Variants in OLFML2B observed in about 807,000 individuals in gnomAD.
OLFML2B encodes olfactomedin like 2B, also known as olfactomedin-like protein 2B.
Under a neutral mutation model 74.9 loss-of-function variants are expected in OLFML2B, and 57 were observed. The ratio of observed to expected loss-of-function variants is 0.76; its 90% CI spans 0.61 to 0.95. The LOEUF (loss-of-function observed/expected upper bound fraction) is 0.95, where lower values mean the gene tolerates loss of function less well. Among genes scored for constraint, OLFML2B ranks in the 40% least tolerant of loss-of-function variants. OLFML2B has a pLI of 0.00. For synonymous variants in OLFML2B, 388 were observed against 405.8 expected (o/e 0.96, Z 0.53); for missense variants, 986 against 970.6 (o/e 1.02, Z -0.21).
chr1:161,985,475 G>A (rs1351932622), intron 6 of OLFML2B, among the ~76,000 whole-genome samples: 3 of 152,196 alleles, frequency 2.0e-5, no homozygotes, highest in Admixed American at 2.0e-4. Flanking sequence ...TTTCCTCATT[G>A]CATTCTCAGT....
chr1:162,000,039 C>T, intron 5 of OLFML2B, 74 bp downstream of exon 5: 1 of 1,173,392 alleles, frequency 8.5e-7, no homozygotes, highest in Non-Finnish European at 1.2e-6. Context: ...TCCCAGGAAT[C>T]CAGCCCACTA....
chr1:162,007,833 T>C (rs1406067344), intron 3 of OLFML2B, among the ~76,000 whole-genome samples: 1 of 152,124 alleles, frequency 6.6e-6, no homozygotes, highest in Non-Finnish European at 1.5e-5. Flanking sequence ...TCCCGAACCA[T>C]CAGCCATGCC....
intron 6 of OLFML2B, among the ~76,000 whole-genome samples, chr1:161,987,475 A>AT (rs1304675182): frequency 6.6e-6 from 1 of 152,208 alleles, no homozygotes; most frequent in Non-Finnish European, 1.5e-5. Context: ...AAGCAATGTG[A>AT]TGAAAAAAGC....
intron 2 of OLFML2B, among the ~76,000 whole-genome samples, chr1:162,019,009 T>A (rs1267801094): frequency 6.6e-6 from 1 of 152,212 alleles, no homozygotes; most frequent in Non-Finnish European, 1.5e-5. Context: ...GTTCAGAAAG[T>A]TGTTCCATGG....
At chr1:162,017,592 C>T in intron 2 of OLFML2B, 85 bp from the exon 3 acceptor site, 2 of 957,938 alleles carry the variant, frequency 2.1e-6, no homozygotes, top group Non-Finnish European at 1.6e-6. Flanking sequence ...ATACTGGGGG[C>T]TCGACAGGAA....
Position 162,006,475 on chromosome 1 carries a change from T to TAAA in OLFML2B, c.547-3_547-2insTTT. On this transcript the variant is annotated splice_region_variant and splice_polypyrimidine_tract_variant and intron_variant, in intron 3 of 7. Transcript: ENST00000294794. ...CTTGGTGAGGTTTTTAGACACTTCCTGAGAAGGAAAAAAAAAAGATGATCC... is the reference window on the plus strand; with the variant it reads ...CTTGGTGAGGTTTTTAGACACTTCCTAAAGAGAAGGAAAAAAAAAAGATGATCC... 6.9e-7 allele frequency: 1 copy of TAAA among 1,448,242 alleles called. No individual in the cohort carries two copies. The highest frequency in any genetic ancestry group is 1.8e-4 in the Middle Eastern group (1 of 5,568). 89.7% of individuals were successfully genotyped at this position (1,448,242 alleles called of 1,614,324 possible).
At chr1:162,017,547 C>T in intron 2 of OLFML2B, 40 bp from the exon 3 acceptor site, 7 of 1,453,872 alleles carry the variant, frequency 4.8e-6, no homozygotes, top group Non-Finnish European at 4.7e-6. Flanking sequence ...GGCTGGGGCA[C>T]ACAGACACAG....
chr1:161,989,553 A>C (rs1689677970), intron 6 of OLFML2B, among the ~76,000 whole-genome samples: 1 of 152,178 alleles, frequency 6.6e-6, no homozygotes, highest in Non-Finnish European at 1.5e-5. Context: ...TATTCACCGT[A>C]AACCCAGGGC....
At chr1:161,985,138 A>T in intron 6 of OLFML2B, 158 bp from the exon 7 acceptor site, 8 of 594,280 alleles carry the variant, frequency 1.3e-5, no homozygotes, top group Admixed American at 6.7e-5. Flanking sequence ...ATCTCCTGCT[A>T]CTCCCCTGAT....
In OLFML2B at chr1:162,009,908, C is replaced by T. The variant is rs558940685; in HGVS notation, c.547-3435G>A. 1.1e-4 allele frequency among the ~76,000 whole-genome samples: 16 copies of T among 152,348 alleles called. 1 individual carries two copies. The South Asian group carries it at 2.9e-3, about 28-fold the overall frequency. On this transcript the variant is annotated intron_variant, in intron 3 of 7. Transcript: ENST00000294794. ...GGATGCCACCTGCACAGGGTACCCT[C>T]GATTCTGCCCTGGGAAATAGGTGAA... is the stretch of plus-strand genomic sequence containing the variant.
At chr1:161,987,890 A>G (rs1689635994) in intron 6 of OLFML2B, among the ~76,000 whole-genome samples, 1 of 152,194 alleles carries the variant, frequency 6.6e-6, no homozygotes, top group African/African-American at 2.4e-5. Context: ...ACAAATGCAA[A>G]TGATTTCAGA....
At chr1:162,015,256 G>A (rs1417642785) in intron 3 of OLFML2B, among the ~76,000 whole-genome samples, 4 of 152,100 alleles carry the variant, frequency 2.6e-5, no homozygotes, top group South Asian at 2.1e-4. Context: ...CTGTATAGAC[G>A]ATACCACCCT....
chr1:162,013,019 G>T (rs1293865031), intron 3 of OLFML2B, among the ~76,000 whole-genome samples: 2 of 152,188 alleles, frequency 1.3e-5, no homozygotes, highest in Non-Finnish European at 2.9e-5. Flanking sequence ...CTTTAGGCCT[G>T]GCAGCCTACA....
At chr1:162,005,725 A>G (rs1286743117) in intron 4 of OLFML2B, among the ~76,000 whole-genome samples, 4 of 151,880 alleles carry the variant, frequency 2.6e-5, no homozygotes, top group African/African-American at 9.7e-5. Flanking sequence ...ACATAACAAG[A>G]CCCTGTATTT....
At chr1:162,018,820 G>T (rs953634863) in intron 2 of OLFML2B, among the ~76,000 whole-genome samples, 2 of 152,208 alleles carry the variant, frequency 1.3e-5, no homozygotes, top group Non-Finnish European at 2.9e-5. Context: ...TGTTTAGAAG[G>T]TAAACTCCTT....
intron 7 of OLFML2B, 126 bp downstream of exon 7, chr1:161,984,678 T>C: frequency 9.9e-7 from 1 of 1,012,454 alleles, no homozygotes; most frequent in Non-Finnish European, 1.5e-6. Flanking sequence ...GGAAAGGTCC[T>C]TTAGCCATCA....
Position 161,984,138 on chromosome 1 carries a change from G to A in OLFML2B, c.1790C>T (p.Ala597Val). The stretch of plus-strand genomic sequence containing the variant: ...GGCCACGTCATGCAGCATGGCCCAG[G>A]CAGCCACGTAGCGCTGCTTCAGGTC... Reference protein sequence around the residue: ...KYDLKQRYVAAWAMLHDVAYE... With the variant: ...KYDLKQRYVAVWAMLHDVAYE... Residue 597 changes from alanine to valine, a missense_variant, in exon 8 of 8, where the codon GCC becomes GTC. Ala to Val is a moderately conservative substitution (Grantham distance 64). Coordinates refer to ENST00000294794, the MANE Select transcript of OLFML2B (RefSeq NM_015441.3). The A allele has an allele frequency of 1.9e-6, 3 of 1,610,992 alleles. No homozygotes were observed. The highest frequency in any genetic ancestry group is 2.5e-6 in the Non-Finnish European group (3 of 1,178,306).
chr1:162,009,851 C>T (rs934244611), intron 3 of OLFML2B, among the ~76,000 whole-genome samples: 1 of 152,186 alleles, frequency 6.6e-6, no homozygotes, highest in Non-Finnish European at 1.5e-5. Flanking sequence ...ACACCAAAGG[C>T]CTTTGGTGAG....
chr1:161,994,410 A>G (rs1293630467), intron 6 of OLFML2B, among the ~76,000 whole-genome samples: 1 of 152,142 alleles, frequency 6.6e-6, no homozygotes, highest in Non-Finnish European at 1.5e-5. Flanking sequence ...AGTTCATGGT[A>G]TTTTCTAGAT....
Sources: allele counts gnomAD v4.1 joint callset (sites outside exome capture counted in the v4.1 genomes callset), GRCh38; gene constraint gnomAD v4.1.1; transcripts MANE v1.5; gene names NCBI Gene and HGNC (gene_info 2026-07-23, HGNC 2026-07-21).